The following PLEKHH1 variants were observed in gnomAD, a reference collection of about 807,000 sequenced individuals.
PLEKHH1 encodes the protein pleckstrin homology, MyTH4 and FERM domain containing H1, also known as pleckstrin homology domain-containing family H member 1.
A neutral mutation model predicts 160.0 loss-of-function variants in PLEKHH1; 104 were observed. The observed-to-expected ratio is 0.65, with a 90% CI of 0.55 to 0.76. The LOEUF (loss-of-function observed/expected upper bound fraction) is 0.76, where lower values mean the gene tolerates loss of function less well. Ranked by LOEUF, PLEKHH1 falls within the 30% of genes least tolerant of loss-of-function variation. PLEKHH1 has a pLI of 0.00. For synonymous variants in PLEKHH1, 619 were observed against 678.4 expected (o/e 0.91, Z 1.36); for missense variants, 1,427 against 1,724.1 (o/e 0.83, Z 3.05).
chr14:67,551,542 C>CCT lies in PLEKHH1; in HGVS notation c.127-4283_127-4282insCT, dbSNP rs1260338142. 3.3e-5 allele frequency among the ~76,000 whole-genome samples: 5 copies of CCT among 152,232 alleles called. No homozygotes were observed. In the East Asian group the frequency reaches 9.6e-4, roughly 29 times the overall value. On this transcript the variant is annotated intron_variant, in intron 2 of 28. Coordinates refer to ENST00000329153, the MANE Select transcript of PLEKHH1 (RefSeq NM_020715.3). ...GTCTAAAGCCACACTGTGGTGGAGT[C>CCT]AGTGAGGTTCCACTGCCTTACCTCT...
chr14:67,580,165 G>A, intron 22 of PLEKHH1: 1 of 316,538 alleles, frequency 3.2e-6, no homozygotes, highest in South Asian at 4.6e-5. Flanking sequence ...TGTAGGGACA[G>A]TGAGGCCCCA....
chr14:67,571,988 C>G lies in PLEKHH1; in HGVS notation c.1585+86C>G, dbSNP rs981867701. The G allele has an allele frequency of 2.6e-6, 4 of 1,509,768 alleles. No homozygotes were observed. In the African/African-American group the frequency reaches 4.1e-5, roughly 16 times the overall value. The allele number at this position is 1,509,768 out of a possible 1,614,324, so 93.5% of individuals were successfully genotyped here. Reference sequence around the variant, plus strand: ...GGGCACTTGAACATGGGCGTCCCCACTTGATCTGAGCTCGTGACCCCCCAG... The same window carrying G: ...GGGCACTTGAACATGGGCGTCCCCAGTTGATCTGAGCTCGTGACCCCCCAG... On this transcript the variant is annotated intron_variant, in intron 10 of 28. Transcript: ENST00000329153.
chr14:67,553,588 G>A (rs1029551700), intron 2 of PLEKHH1, among the ~76,000 whole-genome samples: 2 of 152,186 alleles, frequency 1.3e-5, no homozygotes, highest in South Asian at 4.1e-4. Context: ...GTCCAGTTAG[G>A]TCTGGTGTCA....
intron 5 of PLEKHH1, among the ~76,000 whole-genome samples, chr14:67,561,109 A>G (rs1594763794): frequency 6.6e-6 from 1 of 152,188 alleles, no homozygotes; most frequent in African/African-American, 2.4e-5. Context: ...TTGGCCTCCT[A>G]TCCCCTTCTT....
chr14:67,548,868 G>GT (rs775308397), intron 2 of PLEKHH1, among the ~76,000 whole-genome samples: 36 of 152,308 alleles, frequency 2.4e-4, no homozygotes, highest in Non-Finnish European at 5.0e-4. Context: ...GTATAACTCA[G>GT]TTTTTGATCT....
At chr14:67,551,458 T>TTA (rs200554572) in intron 2 of PLEKHH1, among the ~76,000 whole-genome samples, 7 of 151,886 alleles carry the variant, frequency 4.6e-5, no homozygotes, top group African/African-American at 1.2e-4. Flanking sequence ...GTCATTATTA[T>TTA]TATATATATA....
intron 2 of PLEKHH1, among the ~76,000 whole-genome samples, chr14:67,548,375 A>T (rs939874371): frequency 6.6e-6 from 1 of 152,136 alleles, no homozygotes; most frequent in Non-Finnish European, 1.5e-5. Flanking sequence ...CTGCTTCTTT[A>T]TGCCAAAAGG....
rs780836050 is a variant in PLEKHH1 at position 67,578,680 on chromosome 14, C to T, written c.2849+49C>T. 12 of 1,177,264 alleles carry T rather than the reference C, an allele frequency of 1.0e-5. No individual in the cohort carries two copies. Among genetic ancestry groups the T allele is most frequent in the Non-Finnish European group, 1.4e-5 (11 of 803,628 alleles). The allele number at this position is 1,177,264 out of a possible 1,614,324, so 72.9% of individuals were successfully genotyped here. On this transcript the variant is annotated intron_variant, in intron 20 of 28. Coordinates refer to ENST00000329153, the MANE Select transcript of PLEKHH1 (RefSeq NM_020715.3). The surrounding 1 kb of genome is among the most constrained non-coding windows in gnomAD (Gnocchi z 5.0). ...CTGCCACTTGAGCACTGCCAACTGC[C>T]GCATGAATAAGAGGGATGAGAGGAG...
At position 67,578,271 on chromosome 14, in the gene PLEKHH1, A is replaced by T. The variant is rs529976750; in HGVS notation, c.2751+72A>T. On this transcript the variant is annotated intron_variant, in intron 19 of 28. Transcript: ENST00000329153. The surrounding 1 kb of genome is among the most constrained non-coding windows in gnomAD (Gnocchi z 5.0). Reference sequence around the variant, plus strand: ...GCTGCCAGGTGGGAAAGGTGGGAGGAGGTGACTGGGCAGGTATACGGTGAG... The same window carrying T: ...GCTGCCAGGTGGGAAAGGTGGGAGGTGGTGACTGGGCAGGTATACGGTGAG... The T allele has an allele frequency of 1.6e-5, 22 of 1,383,716 alleles. No individual in the cohort carries two copies. The highest frequency in any genetic ancestry group is 8.5e-5 in the African/African-American group (6 of 70,930). 85.7% of individuals were successfully genotyped at this position (1,383,716 alleles called of 1,614,324 possible). A position where few individuals can be genotyped will look rare whatever the true frequency, so the allele number is the denominator to read the frequency against.
In PLEKHH1 at chr14:67,583,985, C is replaced by T. The variant is rs1304336343; in HGVS notation, c.3570-10C>T. On this transcript the variant is annotated splice_polypyrimidine_tract_variant and intron_variant, in intron 25 of 28. Coordinates refer to ENST00000329153, the MANE Select transcript of PLEKHH1 (RefSeq NM_020715.3). Reference sequence around the variant, plus strand: ...CATTGGCACTATTTCTCTCCATCTGCCCACACCAGGCACCTGGCAGATATG... The same window carrying T: ...CATTGGCACTATTTCTCTCCATCTGTCCACACCAGGCACCTGGCAGATATG... The T allele has an allele frequency of 6.2e-7, 1 of 1,613,974 alleles. No individual in the cohort carries two copies. Among genetic ancestry groups the T allele is most frequent in the Admixed American group, 1.7e-5 (1 of 60,028 alleles).
At chr14:67,580,869 C>A in intron 22 of PLEKHH1, 69 bp from the exon 23 acceptor site, 1 of 1,010,506 alleles carries the variant, frequency 9.9e-7, no homozygotes, top group Non-Finnish European at 1.6e-6. Context: ...GAGTCCAGCC[C>A]TGGCTGGACC....
chr14:67,572,775 C>G (rs2035450908), intron 11 of PLEKHH1, among the ~76,000 whole-genome samples: 2 of 152,144 alleles, frequency 1.3e-5, no homozygotes, highest in Admixed American at 6.5e-5. Context: ...TTCCGCATCC[C>G]TCGCCCCACA....
chr14:67,577,573 C>T (rs1198106890), intron 18 of PLEKHH1, among the ~76,000 whole-genome samples, 159 bp downstream of exon 18: 1 of 152,188 alleles, frequency 6.6e-6, no homozygotes, highest in African/African-American at 2.4e-5. Flanking sequence ...GAATGTAATC[C>T]TGTCACTGGG....
chr14:67,535,626 T>G (rs1030655365), intron 1 of PLEKHH1, among the ~76,000 whole-genome samples: 8 of 152,132 alleles, frequency 5.3e-5, no homozygotes, highest in Non-Finnish European at 1.2e-4. Flanking sequence ...GTAAGCCGCC[T>G]GCCTCCACCT....
In PLEKHH1 at chr14:67,583,978, C is replaced by T; in HGVS notation, c.3570-17C>T. 6.2e-7 allele frequency: 1 copy of T among 1,613,922 alleles called. No homozygotes were observed. Among genetic ancestry groups the T allele is most frequent in the Non-Finnish European group, 8.5e-7 (1 of 1,179,828 alleles). ...GGCACTTCATTGGCACTATTTCTCTCCATCTGCCCACACCAGGCACCTGGC... is the reference window on the plus strand; with the variant it reads ...GGCACTTCATTGGCACTATTTCTCTTCATCTGCCCACACCAGGCACCTGGC... On this transcript the variant is annotated splice_polypyrimidine_tract_variant and intron_variant, in intron 25 of 28. Transcript: ENST00000329153.
At chr14:67,575,752 A>C in intron 15 of PLEKHH1, 71 bp from the exon 16 acceptor site, 4 of 1,126,400 alleles carry the variant, frequency 3.6e-6, no homozygotes, top group Non-Finnish European at 5.2e-6. Context: ...CACGGAGCCT[A>C]TGTATTCAGA....
intron 1 of PLEKHH1, among the ~76,000 whole-genome samples, chr14:67,535,201 G>C (rs890463077): frequency 4.6e-5 from 7 of 152,132 alleles, no homozygotes; most frequent in Non-Finnish European, 1.5e-5. Context: ...AGAACACACA[G>C]AAACCTGTAA....
Position 67,574,032 on chromosome 14 carries a change from C to G in PLEKHH1, c.1926+145C>G. Reference sequence around the variant, plus strand: ...TGGACGTGATCCTAACTTGTGAGTACAAGAAAGGAAGATGAGACAGAATAT... The same window carrying G: ...TGGACGTGATCCTAACTTGTGAGTAGAAGAAAGGAAGATGAGACAGAATAT... On this transcript the variant is annotated intron_variant, in intron 13 of 28. Coordinates refer to ENST00000329153, the MANE Select transcript of PLEKHH1 (RefSeq NM_020715.3). The surrounding 1 kb of genome is among the most constrained non-coding windows in gnomAD (Gnocchi z 4.2). The G allele has an allele frequency of 2.8e-6, 2 of 712,732 alleles. No individual in the cohort carries two copies. Among genetic ancestry groups the G allele is most frequent in the South Asian group, 3.6e-5 (2 of 56,144 alleles). 44.2% of individuals were successfully genotyped at this position (712,732 alleles called of 1,614,324 possible). A position where few individuals can be genotyped will look rare whatever the true frequency, so the allele number is the denominator to read the frequency against.
At chr14:67,543,549 A>G (rs1337828065) in intron 2 of PLEKHH1, among the ~76,000 whole-genome samples, 3 of 152,244 alleles carry the variant, frequency 2.0e-5, no homozygotes, top group African/African-American at 7.2e-5. Flanking sequence ...GTTCTACCCC[A>G]GTCCTCTCAA....
Sources: allele counts gnomAD v4.1 joint callset (sites outside exome capture counted in the v4.1 genomes callset), GRCh38; gene constraint gnomAD v4.1.1; non-coding constraint Gnocchi (gnomAD v3.1); transcripts MANE v1.5; gene names NCBI Gene and HGNC (gene_info 2026-07-23, HGNC 2026-07-21).